Variants in RHBDD1 observed in about 807,000 individuals in gnomAD.
RHBDD1 encodes the protein rhomboid-related protein 4.
In RHBDD1, 38 loss-of-function variants were observed where a neutral mutation model predicts 36.3. That is an observed-to-expected ratio of 1.05 (90% CI 0.81 to 1.37). The LOEUF (loss-of-function observed/expected upper bound fraction) is 1.37, where lower values mean the gene tolerates loss of function less well. RHBDD1 is among the 40% of genes most tolerant of loss of function. RHBDD1 has a pLI of 0.00. For synonymous variants in RHBDD1, 151 were observed against 136.5 expected (o/e 1.11, Z -0.74); for missense variants, 393 against 377.6 (o/e 1.04, Z -0.34).
chr2:226,848,819 C>A (rs1259095421), intron 3 of RHBDD1, among the ~76,000 whole-genome samples: 4 of 152,156 alleles, frequency 2.6e-5, no homozygotes, highest in South Asian at 2.1e-4. Context: ...TGATTAAAAT[C>A]CCTGCTCATC....
rs1198945902 is a variant in RHBDD1, at chr2:226,847,460, G to A, written c.-91+7833G>A. On this transcript the variant is annotated intron_variant, in intron 3 of 8. Transcript: ENST00000392062. ...ATATTGACATATATTTTTATTATTT[G>A]CCCATTTCCAAAAAGTATCTGCTTT... 2.0e-5 allele frequency among the ~76,000 whole-genome samples: 3 copies of A among 151,716 alleles called. No individual in the cohort carries two copies. In the East Asian group the frequency reaches 5.8e-4, roughly 29 times the overall value.
At chr2:226,843,979 C>A (rs1192668225) in intron 3 of RHBDD1, among the ~76,000 whole-genome samples, 1 of 152,176 alleles carries the variant, frequency 6.6e-6, no homozygotes, top group Non-Finnish European at 1.5e-5. Context: ...TTCAGGGATT[C>A]AATTTCTTCC....
At chr2:226,834,070 C>T (rs538337610), upstream of RHBDD1, among the ~76,000 whole-genome samples, 5 of 136,802 alleles carry the variant, frequency 3.7e-5, no homozygotes, top group South Asian at 2.1e-4. Context: ...ATTCTTAATC[C>T]GTATATATTT....
chr2:226,833,726 A>C (rs1041294688), upstream of RHBDD1, among the ~76,000 whole-genome samples: 4 of 152,252 alleles, frequency 2.6e-5, no homozygotes, highest in African/African-American at 9.6e-5. Context: ...TTTAAGTTAA[A>C]GAATTTCTTC....
At position 226,997,590 on chromosome 2, in the gene RHBDD1, T is replaced by G. The variant is rs543703845; in HGVS notation, c.*2068T>G. ...TCACCAAAGTATTTTTTCCATTGTA[T>G]TAAGAGTCCAGTCACTGTATATGGA... is the stretch of plus-strand genomic sequence containing the variant. On this transcript the variant is annotated 3_prime_UTR_variant, in exon 9 of 9. Transcript: ENST00000392062. 1.3e-5 allele frequency: 2 copies of G among 152,354 alleles called. No individual in the cohort carries two copies. The highest frequency in any genetic ancestry group is 6.5e-5 in the Admixed American group (1 of 15,302). The allele number at this position is 152,354 out of a possible 1,614,324, so 9.4% of individuals were successfully genotyped here.
At chr2:226,817,690 G>T in the RHBDD1 span, among the ~76,000 whole-genome samples, 1 of 152,200 alleles carries the variant, frequency 6.6e-6, no homozygotes, top group East Asian at 1.9e-4. Flanking sequence ...GATAATAGAA[G>T]TTAAGGCTGG....
chr2:226,995,361 T>A, intron 8 of RHBDD1, 70 bp from the exon 9 acceptor site: 1 of 931,992 alleles, frequency 1.1e-6, no homozygotes, highest in Non-Finnish European at 1.7e-6. Context: ...TTTGTTCCCT[T>A]GGAATCCTAG....
At chr2:226,854,019 A>T (rs1943083474) in intron 3 of RHBDD1, among the ~76,000 whole-genome samples, 1 of 152,190 alleles carries the variant, frequency 6.6e-6, no homozygotes, top group Admixed American at 6.5e-5. Flanking sequence ...AAATGAAGCA[A>T]ATTGTATGTA....
At chr2:226,843,194 A>G (rs919317291) in intron 3 of RHBDD1, among the ~76,000 whole-genome samples, 1 of 152,138 alleles carries the variant, frequency 6.6e-6, no homozygotes, top group Non-Finnish European at 1.5e-5. Context: ...GGTTTTCTAG[A>G]TATAGGATCA....
chr2:226,899,653 G>A (rs1404618403), intron 5 of RHBDD1, among the ~76,000 whole-genome samples: 2 of 152,178 alleles, frequency 1.3e-5, no homozygotes, highest in African/African-American at 4.8e-5. Flanking sequence ...AAGACAGATT[G>A]CCTACAGAGG....
chr2:226,871,363 T>C lies in RHBDD1; in HGVS notation c.566+4045T>C, dbSNP rs184847093. Among the ~76,000 whole-genome samples, 163 of 152,318 alleles carry C rather than the reference T, an allele frequency of 1.1e-3. 1 individual carries two copies. The highest frequency in any genetic ancestry group is 1.3e-3 in the Admixed American group (20 of 15,298). On this transcript the variant is annotated intron_variant, in intron 5 of 8. Transcript: ENST00000392062. ...CAGGCATCTGTTAAACAGAAAAATA[T>C]AATTTTACAAAACCACATTACTGTT...
chr2:226,930,290 G>T (rs930241702), intron 8 of RHBDD1, among the ~76,000 whole-genome samples: 33 of 152,034 alleles, frequency 2.2e-4, no homozygotes, highest in African/African-American at 7.5e-4. Context: ...AAACAGCATG[G>T]TACTGCTGTA....
At chr2:226,877,060 AAG>A (rs773133827) in intron 5 of RHBDD1, among the ~76,000 whole-genome samples, 6 of 152,172 alleles carry the variant, frequency 3.9e-5, no homozygotes, top group Non-Finnish European at 5.9e-5. Context: ...TGGGAAGGGT[AAG>A]AGGGATTGTT....
At chr2:226,811,389 C>T in the RHBDD1 span, among the ~76,000 whole-genome samples, 1 of 152,344 alleles carries the variant, frequency 6.6e-6, no homozygotes, top group South Asian at 2.1e-4. Context: ...TCAACCTCCG[C>T]GTCCCGGGTC....
At chr2:226,867,445 A>G in intron 5 of RHBDD1, 127 bp downstream of exon 5, 1 of 1,219,766 alleles carries the variant, frequency 8.2e-7, no homozygotes, top group Non-Finnish European at 1.1e-6. Flanking sequence ...TTAGGACAGA[A>G]TCAAGCTTAA....
intron 8 of RHBDD1, among the ~76,000 whole-genome samples, chr2:226,959,177 G>T (rs1952004622): frequency 1.3e-5 from 2 of 152,154 alleles, no homozygotes; most frequent in African/African-American, 4.8e-5. Flanking sequence ...GTTGTTCTAG[G>T]AATAATGATA....
At chr2:226,899,685 A>G (rs1187993097) in intron 5 of RHBDD1, among the ~76,000 whole-genome samples, 2 of 152,244 alleles carry the variant, frequency 1.3e-5, no homozygotes, top group Non-Finnish European at 2.9e-5. Context: ...AACTGACAGT[A>G]CATTTATTAT....
intron 8 of RHBDD1, among the ~76,000 whole-genome samples, chr2:226,929,006 A>G (rs189012485): frequency 2.5e-3 from 381 of 152,162 alleles, no homozygotes; most frequent in African/African-American, 8.7e-3. Context: ...TTGAATCCAT[A>G]ATTTTTTAAA....
the RHBDD1 span, among the ~76,000 whole-genome samples, chr2:226,826,691 T>C: frequency 6.6e-6 from 1 of 151,344 alleles, no homozygotes; most frequent in Admixed American, 6.6e-5. Flanking sequence ...CAGCTAATTT[T>C]TTGTACTTTT....
Sources: gnomAD v4.1 joint callset for allele counts (sites outside exome capture counted in the v4.1 genomes callset) on GRCh38, gnomAD v4.1.1 for gene constraint, MANE v1.5 for transcripts, NCBI Gene and HGNC (gene_info 2026-07-23, HGNC 2026-07-21) for gene names.